The following VPS50 variants were observed in gnomAD, a reference collection of about 807,000 sequenced individuals.
The protein encoded by VPS50 is VPS50 subunit of EARP/GARPII complex, also known as syndetin.
Under a neutral mutation model 139.7 loss-of-function variants are expected in VPS50, and 70 were observed. The observed-to-expected ratio is 0.50, with a 90% confidence interval of 0.41 to 0.61. VPS50 has a LOEUF of 0.61. Ranked by LOEUF, VPS50 falls within the 20% of genes least tolerant of loss-of-function variation. The probability of loss-of-function intolerance (pLI) is 0.00; values close to 1 mark genes in which losing one functional copy is unlikely to be tolerated. For synonymous variants in VPS50, 365 were observed against 376.7 expected (o/e 0.97, Z 0.36); for missense variants, 921 against 1,133.7 (o/e 0.81, Z 2.69).
chr7:93,348,404 A>G (rs927492502), intron 23 of VPS50, among the ~76,000 whole-genome samples: 1 of 152,142 alleles, frequency 6.6e-6, no homozygotes, highest in Non-Finnish European at 1.5e-5. Flanking sequence ...TCTTTTTTCA[A>G]CCTGCTACTC....
chr7:93,294,920 G>A (rs531889189), intron 14 of VPS50, among the ~76,000 whole-genome samples: 34 of 152,086 alleles, frequency 2.2e-4, no homozygotes, highest in Non-Finnish European at 3.7e-4. Flanking sequence ...ATAGAGAAAT[G>A]TATGCTTTCT....
intron 4 of VPS50, among the ~76,000 whole-genome samples, chr7:93,254,324 C>T (rs747152846): frequency 1.2e-4 from 19 of 152,312 alleles, no homozygotes; most frequent in South Asian, 2.1e-4. Flanking sequence ...GGCTAGAGTG[C>T]GATTGCACGA....
At chr7:93,265,154 A>T (rs1466695176) in intron 9 of VPS50, among the ~76,000 whole-genome samples, 4 of 151,974 alleles carry the variant, frequency 2.6e-5, no homozygotes, top group Non-Finnish European at 4.4e-5. Context: ...AAAAATAATT[A>T]AAAAATATAT....
At chr7:93,334,409 A>G (rs1364343279) in intron 22 of VPS50, among the ~76,000 whole-genome samples, 2 of 152,246 alleles carry the variant, frequency 1.3e-5, no homozygotes, top group East Asian at 3.8e-4. Context: ...GCTTATATCT[A>G]GCACAAGTTC....
intron 20 of VPS50, chr7:93,320,580 CTCTA>C (rs34453506): frequency 0.52 from 78,699 of 151,672 alleles, 24,416 homozygotes; most frequent in African/African-American, 0.88. Flanking sequence ...CGGGGATGGT[CTCTA>C]TCTATCTCCT....
chr7:93,324,935 G>GA (rs1797725359), intron 21 of VPS50, among the ~76,000 whole-genome samples: 1 of 152,010 alleles, frequency 6.6e-6, no homozygotes, highest in Admixed American at 6.6e-5. Flanking sequence ...CACAGAATTG[G>GA]AAAAAACTAC....
chr7:93,254,143 C>G (rs1795418655), intron 4 of VPS50, among the ~76,000 whole-genome samples: 1 of 152,178 alleles, frequency 6.6e-6, no homozygotes, highest in Non-Finnish European at 1.5e-5. Flanking sequence ...ACTTCTAGAA[C>G]TTGGAATTTT....
At chr7:93,270,349 A>G (rs1795967370) in intron 9 of VPS50, among the ~76,000 whole-genome samples, 1 of 152,018 alleles carries the variant, frequency 6.6e-6, no homozygotes, top group Non-Finnish European at 1.5e-5. Context: ...TGTCACCAAA[A>G]TTAGTTTTGC....
intron 21 of VPS50, among the ~76,000 whole-genome samples, chr7:93,333,204 GCA>G (rs1364414603): frequency 6.6e-6 from 1 of 152,014 alleles, no homozygotes; most frequent in Non-Finnish European, 1.5e-5. Context: ...ATGTTTTATT[GCA>G]CAGTGTTATG....
At position 93,323,751 on chromosome 7, in the gene VPS50, G is replaced by T; in HGVS notation, c.1977+19G>T. The T allele has an allele frequency of 2.2e-6, 3 of 1,335,032 alleles. No homozygotes were observed. The highest frequency in any genetic ancestry group is 1.6e-5 in the South Asian group (1 of 63,002). The allele number at this position is 1,335,032 out of a possible 1,614,324, so 82.7% of individuals were successfully genotyped here. A position where few individuals can be genotyped will look rare whatever the true frequency, so the allele number is the denominator to read the frequency against. ...TGATTCAGTAAGTCCACCTTTAGAG[G>T]GAAAAAAATCTTTCTTTTAAAATTT... is the stretch of plus-strand genomic sequence containing the variant. On this transcript the variant is annotated intron_variant, in intron 21 of 27. Coordinates refer to ENST00000305866, the MANE Select transcript of VPS50 (RefSeq NM_017667.4).
At chr7:93,311,437 TATA>T (rs1797264900) in intron 20 of VPS50, among the ~76,000 whole-genome samples, 165 bp downstream of exon 20, 1 of 152,284 alleles carries the variant, frequency 6.6e-6, no homozygotes. Flanking sequence ...TTCCAAATAC[TATA>T]ATACTAATAG....
At chr7:93,334,756 A>G (rs1485602776) in intron 22 of VPS50, among the ~76,000 whole-genome samples, 1 of 152,206 alleles carries the variant, frequency 6.6e-6, no homozygotes, top group African/African-American at 2.4e-5. Flanking sequence ...GATGAAATAC[A>G]TGTTTTAAGA....
chr7:93,344,379 A>G (rs2117069240), intron 23 of VPS50, among the ~76,000 whole-genome samples: 1 of 152,250 alleles, frequency 6.6e-6, no homozygotes, highest in Non-Finnish European at 1.5e-5. Context: ...CACATTAATA[A>G]TGGGAGACTT....
chr7:93,259,441 T>G, intron 8 of VPS50, 109 bp from the exon 9 acceptor site: 1 of 566,340 alleles, frequency 1.8e-6, no homozygotes. Context: ...GAATTAAAGT[T>G]TTTTGATTCT....
At chr7:93,234,548 G>A (rs1385751188) in intron 1 of VPS50, among the ~76,000 whole-genome samples, 1 of 152,182 alleles carries the variant, frequency 6.6e-6, no homozygotes, top group Non-Finnish European at 1.5e-5. Flanking sequence ...CTGATGCACA[G>A]TTCCTGAATC....
rs145621721 is a variant in VPS50, at chr7:93,258,372, C to T, written c.556C>T (p.Arg186Trp). 543 of 1,612,446 alleles carry T rather than the reference C, an allele frequency of 3.4e-4. No individual in the cohort carries two copies. The highest frequency in any genetic ancestry group is 4.1e-4 in the Non-Finnish European group (487 of 1,178,902). ...GTTTTTTCAGCAAAGAACAGATGTA[C>T]GGTTAAGTGAAATGCTGGAGGTAAG... is the stretch of plus-strand genomic sequence containing the variant. Reference protein sequence around the residue: ...TIKTLQRTDVRLSEMLEEEDY... With the variant: ...TIKTLQRTDVWLSEMLEEEDY... The change falls in exon 8 of 28, where the codon CGG (arginine) becomes TGG (tryptophan). Residue 186 changes from arginine (R) to tryptophan (W), a missense_variant. Transcript: ENST00000305866.
At chr7:93,332,223 C>G (rs569972163) in intron 21 of VPS50, among the ~76,000 whole-genome samples, 1 of 152,334 alleles carries the variant, frequency 6.6e-6, no homozygotes, top group African/African-American at 2.4e-5. Flanking sequence ...CTGATGGAAG[C>G]ACCCTTTCTG....
rs748754141 is a variant in VPS50, at chr7:93,258,390, G to C, written c.574G>C (p.Glu192Gln). The change falls in exon 8 of 28, where the codon GAG becomes CAG. Residue 192 changes from glutamate (E) to glutamine (Q), a missense_variant and splice_region_variant. By Grantham distance (29) the Glu-to-Gln change is conservative. Around this residue, in one of 3 missense-constraint regions of VPS50, gnomAD observed 744 missense variants for 930.6 expected, o/e 0.80. Transcript: ENST00000305866. ...AGATGTACGGTTAAGTGAAATGCTG[G>C]AGGTAAGTTAACAAGTTTTGGAAAT... Reference protein sequence around the residue: ...RTDVRLSEMLEEEDYPGAIQL... With the variant: ...RTDVRLSEMLQEEDYPGAIQL... 3.7e-6 allele frequency: 6 copies of C among 1,612,448 alleles called. No individual in the cohort carries two copies. The East Asian group carries it at 1.1e-4, about 30-fold the overall frequency.
intron 11 of VPS50, among the ~76,000 whole-genome samples, chr7:93,275,245 C>T (rs1209608414): frequency 2.0e-5 from 3 of 152,136 alleles, no homozygotes; most frequent in Non-Finnish European, 4.4e-5. Context: ...GTTGATAAAG[C>T]AGCAGCAGGG....
Sources: gnomAD v4.1 joint callset for allele counts (sites outside exome capture counted in the v4.1 genomes callset) on GRCh38, gnomAD v4.1.1 for gene constraint, gnomAD v4.1.1 regional missense constraint, MANE v1.5 for transcripts, NCBI Gene and HGNC (gene_info 2026-07-23, HGNC 2026-07-21) for gene names.